MOB3B: variants seen among roughly 807,000 people sequenced by gnomAD.
The protein encoded by MOB3B is MOB kinase activator 3B, also known as MOB kinase activator-like 2B.
A neutral mutation model predicts 18.7 loss-of-function variants in MOB3B; 7 were observed. The observed-to-expected ratio is 0.37, with a 90% confidence interval of 0.21 to 0.70. The LOEUF (loss-of-function observed/expected upper bound fraction) is 0.70, where lower values mean the gene tolerates loss of function less well. Among genes scored for constraint, MOB3B ranks in the 30% least tolerant of loss-of-function variants. The pLI, the probability that MOB3B is intolerant of heterozygous loss-of-function variation, is 0.52. For missense variants in MOB3B, 253 were observed against 281.3 expected (o/e 0.90, Z 0.72); for synonymous variants, 111 against 99.9 (o/e 1.11, Z -0.66).
intron 2 of MOB3B, among the ~76,000 whole-genome samples, chr9:27,423,398 CTT>C (rs34788661): frequency 1.6e-3 from 227 of 141,886 alleles, no homozygotes; most frequent in Non-Finnish European, 1.8e-3. Context: ...TGGCAATACT[CTT>C]TTTTTTTTTT....
At chr9:27,514,324 C>T (rs544143854) in intron 1 of MOB3B, among the ~76,000 whole-genome samples, 15 of 86,936 alleles carry the variant, frequency 1.7e-4, no homozygotes, top group South Asian at 6.8e-4. Flanking sequence ...GTCAACTCAA[C>T]GCAGAATAAG....
chr9:27,482,996 G>A (rs1380033325), intron 1 of MOB3B, among the ~76,000 whole-genome samples: 3 of 150,238 alleles, frequency 2.0e-5, no homozygotes, highest in African/African-American at 5.0e-5. Flanking sequence ...TACAGCGCTT[G>A]CAGTTTAATA....
At position 27,503,255 on chromosome 9, in the gene MOB3B, T is replaced by C. The variant is rs1339147069; in HGVS notation, c.-199+26300A>G. Reference sequence around the variant, plus strand: ...AATTTGCCTTTACATGGTACCTATATTTCACTAGAGGAAAAATTGACCACG... The same window carrying C: ...AATTTGCCTTTACATGGTACCTATACTTCACTAGAGGAAAAATTGACCACG... On this transcript the variant is annotated intron_variant, in intron 1 of 3. Transcript: ENST00000262244. Among the ~76,000 whole-genome samples the C allele has an allele frequency of 2.6e-5, 4 of 152,196 alleles. No individual in the cohort carries two copies. In the East Asian group the frequency reaches 7.7e-4, roughly 29 times the overall value.
In MOB3B at chr9:27,348,056, T is replaced by C. The variant is rs1821054763; in HGVS notation, c.621+10978A>G. On this transcript the variant is annotated intron_variant, in intron 3 of 3. Coordinates refer to ENST00000262244, the MANE Select transcript of MOB3B (RefSeq NM_024761.5). ...AGTGGTGGAGTGGTGGAGGGCAAGT[T>C]ACTGTGAATTGAAAGGGAAGTGAGA... 2.0e-5 allele frequency among the ~76,000 whole-genome samples: 3 copies of C among 152,176 alleles called. 1 individual carries two copies. Among genetic ancestry groups the C allele is most frequent in the South Asian group, 4.1e-4 (2 of 4,820 alleles).
At chr9:27,369,120 G>A (rs1347545904) in intron 2 of MOB3B, among the ~76,000 whole-genome samples, 3 of 152,194 alleles carry the variant, frequency 2.0e-5, no homozygotes, top group Non-Finnish European at 4.4e-5. Flanking sequence ...GGATGTTAAT[G>A]AACTTCATTG....
chr9:27,489,776 T>A (rs1158410469), intron 1 of MOB3B, among the ~76,000 whole-genome samples: 1 of 91,466 alleles, frequency 1.1e-5, no homozygotes. Flanking sequence ...GCACTAAGGC[T>A]CATTATCATA....
intron 2 of MOB3B, among the ~76,000 whole-genome samples, chr9:27,403,454 G>C (rs2131394335): frequency 6.8e-6 from 1 of 146,422 alleles, no homozygotes; most frequent in East Asian, 2.1e-4. Context: ...ATCCCAAAGA[G>C]AAACACACTA....
chr9:27,371,078 T>A (rs1821409052), intron 2 of MOB3B, among the ~76,000 whole-genome samples: 1 of 152,362 alleles, frequency 6.6e-6, no homozygotes, highest in East Asian at 1.9e-4. Flanking sequence ...TACATTTGCA[T>A]TGATGTGGTT....
chr9:27,383,610 G>A (rs1319988178), intron 2 of MOB3B, among the ~76,000 whole-genome samples: 2 of 152,216 alleles, frequency 1.3e-5, no homozygotes, highest in East Asian at 3.9e-4. Context: ...GTGGATATGG[G>A]TGTAGAGGGA....
chr9:27,481,048 T>TC (rs1819641435), intron 1 of MOB3B, among the ~76,000 whole-genome samples: 1 of 152,160 alleles, frequency 6.6e-6, no homozygotes, highest in South Asian at 2.1e-4. Context: ...AAACTATTGA[T>TC]CACTTTAGAA....
intron 2 of MOB3B, among the ~76,000 whole-genome samples, chr9:27,387,997 G>A (rs1054657793): frequency 6.6e-6 from 1 of 152,096 alleles, no homozygotes; most frequent in East Asian, 1.9e-4. Flanking sequence ...TGTCATAATT[G>A]GGAGTCAGCT....
At position 27,459,018 on chromosome 9, in the gene MOB3B, C is replaced by CG. The variant is rs35371356; in HGVS notation, c.-198-3271_-198-3270insC. Among the ~76,000 whole-genome samples the CG allele has an allele frequency of 2.5e-3, 385 of 151,782 alleles. 1 individual carries two copies. The highest frequency in any genetic ancestry group is 9.1e-3 in the African/African-American group (375 of 41,310). On this transcript the variant is annotated intron_variant, in intron 1 of 3. Transcript: ENST00000262244. ...AATAGGTTGATCAGGTAGGCCCCCC[C>CG]CCATGTTTAAAGACAATGGCAATCC...
chr9:27,395,109 CTGTGGAGTCAT>C (rs1821780059), intron 2 of MOB3B, among the ~76,000 whole-genome samples: 2 of 152,166 alleles, frequency 1.3e-5, no homozygotes, highest in African/African-American at 4.8e-5. Context: ...AAAAGGTCAT[CTGTGGAGTCAT>C]TAAGTCGGGA....
intron 2 of MOB3B, among the ~76,000 whole-genome samples, chr9:27,380,831 G>C (rs1187641422): frequency 6.6e-6 from 1 of 151,068 alleles, no homozygotes. Flanking sequence ...ACTTATAAAA[G>C]GGAATTGAGA....
At chr9:27,506,338 A>G (rs1167875887) in intron 1 of MOB3B, among the ~76,000 whole-genome samples, 1 of 152,174 alleles carries the variant, frequency 6.6e-6, no homozygotes, top group Non-Finnish European at 1.5e-5. Context: ...TACTCACTTG[A>G]ACAAAACTTC....
chr9:27,333,329 C>T (rs565622877), intron 3 of MOB3B, among the ~76,000 whole-genome samples: 2 of 151,268 alleles, frequency 1.3e-5, no homozygotes, highest in Non-Finnish European at 2.9e-5. Context: ...CTAGCACTTG[C>T]CCACTGGGTG....
In MOB3B at chr9:27,511,699, A is replaced by G. The variant is rs138112587; in HGVS notation, c.-199+17856T>C. Among the ~76,000 whole-genome samples, 27 of 152,368 alleles carry G rather than the reference A, an allele frequency of 1.8e-4. No individual in the cohort carries two copies. In the East Asian group the frequency reaches 3.9e-3, roughly 22 times the overall value. ...CTTCTACTCTTTCAGAAAAGAAATC[A>G]CTAGAAAGCTGCCTATGGCTGACAA... On this transcript the variant is annotated intron_variant, in intron 1 of 3. Transcript: ENST00000262244.
At chr9:27,464,255 A>G (rs1819342036) in intron 1 of MOB3B, among the ~76,000 whole-genome samples, 1 of 152,214 alleles carries the variant, frequency 6.6e-6, no homozygotes, top group Admixed American at 6.5e-5. Context: ...AGCCCTGCAT[A>G]GGAGGAAAGA....
At position 27,327,020 on chromosome 9, in the gene MOB3B, T is replaced by C. The variant is rs1203343695; in HGVS notation, c.*3567A>G. ...AAGACGGGAGAAAAAATAAAAGCGT[T>C]GAATATTTCACCTCTGGCTACAGGG... On this transcript the variant is annotated 3_prime_UTR_variant, in exon 4 of 4. Transcript: ENST00000262244. The C allele has an allele frequency of 1.3e-5, 2 of 153,930 alleles. No individual in the cohort carries two copies. The highest frequency in any genetic ancestry group is 3.8e-4 in the East Asian group (2 of 5,240). The allele number at this position is 153,930 out of a possible 1,614,324, so 9.5% of individuals were successfully genotyped here.
Sources: allele counts gnomAD v4.1 joint callset (sites outside exome capture counted in the v4.1 genomes callset), GRCh38; gene constraint gnomAD v4.1.1; transcripts MANE v1.5; gene names NCBI Gene and HGNC (gene_info 2026-07-23, HGNC 2026-07-21).